Variants in CCDC3 observed in about 807,000 individuals in gnomAD.
CCDC3 encodes coiled-coil domain containing 3.
A neutral mutation model predicts 21.4 loss-of-function variants in CCDC3; 24 were observed. The observed-to-expected ratio is 1.12, with a 90% CI of 0.81 to 1.58. The LOEUF is 1.58. CCDC3 is among the 40% of genes most tolerant of loss of function. CCDC3 has a pLI of 0.00. For synonymous variants in CCDC3, 186 were observed against 166.0 expected, an observed-to-expected ratio of 1.12 and a Z score of -0.93; for missense variants, 425 against 360.9, an observed-to-expected ratio of 1.18 and a Z score of -1.44.
At chr10:13,017,516 CAAAAA>C (rs60969932) in intron 5 of CCDC3, among the ~76,000 whole-genome samples, 4 of 111,704 alleles carry the variant, frequency 3.6e-5, no homozygotes, top group African/African-American at 3.5e-5. Context: ...GACTCCATCT[CAAAAA>C]AAAAAAAAAA....
intron 5 of CCDC3, among the ~76,000 whole-genome samples, chr10:13,010,470 C>G (rs946217064): frequency 6.6e-6 from 1 of 152,086 alleles, no homozygotes; most frequent in African/African-American, 2.4e-5. Flanking sequence ...AATGACCATA[C>G]CAAGTGTTGT....
chr10:13,089,092 TC>T (rs1837148500), intron 3 of CCDC3, among the ~76,000 whole-genome samples: 1 of 151,968 alleles, frequency 6.6e-6, no homozygotes, highest in Non-Finnish European at 1.5e-5. Flanking sequence ...AATTCCCTCC[TC>T]AAATTCTCCA....
At chr10:12,920,114 A>C (rs998179140) in intron 2 of CCDC3, among the ~76,000 whole-genome samples, 1 of 152,132 alleles carries the variant, frequency 6.6e-6, no homozygotes, top group Non-Finnish European at 1.5e-5. Flanking sequence ...TATAAAGAAA[A>C]AGAGGTTTAA....
intron 2 of CCDC3, among the ~76,000 whole-genome samples, chr10:12,993,323 G>C (rs553084703): frequency 6.6e-6 from 1 of 152,130 alleles, no homozygotes; most frequent in Admixed American, 6.5e-5. Flanking sequence ...GGGAAGTTAG[G>C]GGATCTGCCC....
intron 2 of CCDC3, among the ~76,000 whole-genome samples, chr10:12,992,510 C>T (rs1043791155): frequency 6.6e-6 from 1 of 152,042 alleles, no homozygotes; most frequent in Non-Finnish European, 1.5e-5. Context: ...CGCAGAGATC[C>T]GGATGGAACT....
chr10:13,034,696 C>A (rs1347635820), intron 5 of CCDC3, among the ~76,000 whole-genome samples: 1 of 128,808 alleles, frequency 7.8e-6, no homozygotes, highest in Non-Finnish European at 1.7e-5. Context: ...AATGTTCTCA[C>A]TGTAAAAAAC....
At chr10:12,931,138 G>A (rs1437549015) in intron 2 of CCDC3, among the ~76,000 whole-genome samples, 1 of 148,522 alleles carries the variant, frequency 6.7e-6, no homozygotes, top group Non-Finnish European at 1.5e-5. Flanking sequence ...TTGAACCCAG[G>A]AGGCGGAGGT....
At chr10:13,043,687 A>G (rs183795269) in intron 5 of CCDC3, among the ~76,000 whole-genome samples, 1 of 152,232 alleles carries the variant, frequency 6.6e-6, no homozygotes, top group Non-Finnish European at 1.5e-5. Flanking sequence ...ACATGATTTC[A>G]TTCTTTTTCC....
intron 2 of CCDC3, among the ~76,000 whole-genome samples, chr10:12,922,705 C>T (rs931713360): frequency 3.9e-5 from 6 of 152,018 alleles, no homozygotes; most frequent in Admixed American, 6.6e-5. Flanking sequence ...TTTATGTTTT[C>T]CCCGGATGTG....
intron 4 of CCDC3, among the ~76,000 whole-genome samples, chr10:13,055,174 C>T (rs2131428189): frequency 6.6e-6 from 1 of 152,310 alleles, no homozygotes. Flanking sequence ...TCTCTTCCTC[C>T]ACAGGGTACA....
chr10:13,015,076 T>C (rs554217370), intron 5 of CCDC3, among the ~76,000 whole-genome samples: 18 of 152,258 alleles, frequency 1.2e-4, no homozygotes, highest in Middle Eastern at 3.4e-3. Flanking sequence ...ATGCATGTGA[T>C]ATAACGTTAA....
At chr10:13,033,757 G>A (rs1297982975) in intron 5 of CCDC3, among the ~76,000 whole-genome samples, 1 of 152,282 alleles carries the variant, frequency 6.6e-6, no homozygotes, top group East Asian at 1.9e-4. Flanking sequence ...GTCATCACTG[G>A]CCATCAGAGA....
At chr10:13,084,852 G>T (rs937792058) in intron 3 of CCDC3, among the ~76,000 whole-genome samples, 1 of 152,200 alleles carries the variant, frequency 6.6e-6, no homozygotes, top group African/African-American at 2.4e-5. Flanking sequence ...CAGTATGGGT[G>T]CAGGGGCCAG....
chr10:12,951,513 T>G (rs929212555), intron 2 of CCDC3, among the ~76,000 whole-genome samples: 4 of 152,064 alleles, frequency 2.6e-5, no homozygotes, highest in Non-Finnish European at 4.4e-5. Context: ...CAGGCATCAT[T>G]TATGCAGTTT....
intron 4 of CCDC3, chr10:13,058,348 G>A: frequency 1.7e-6 from 2 of 1,192,358 alleles, no homozygotes. Context: ...CAAACCTACT[G>A]AGAATCCTGT....
At position 13,088,740 on chromosome 10, in the gene CCDC3, T is replaced by G. The variant is rs1387827046; in HGVS notation, c.-503+9785A>C. On this transcript the variant is annotated intron_variant, in intron 3 of 6. Transcript: ENST00000378839. ...CATTTTTAAAAAATTAACTGAATAT[T>G]AGCTGGGCGCAGTGGCTCACGCCTG... Among the ~76,000 whole-genome samples, 3 of 152,084 alleles carry G rather than the reference T, an allele frequency of 2.0e-5. No individual in the cohort carries two copies. In the East Asian group the frequency reaches 5.8e-4, roughly 29 times the overall value.
intron 2 of CCDC3, among the ~76,000 whole-genome samples, chr10:12,928,774 G>A (rs928999653): frequency 2.0e-5 from 3 of 152,138 alleles, no homozygotes; most frequent in Non-Finnish European, 4.4e-5. Context: ...TCCATCCCTG[G>A]AGCAGCAATT....
At chr10:13,008,253 G>A (rs1490287684) in intron 5 of CCDC3, among the ~76,000 whole-genome samples, 3 of 152,208 alleles carry the variant, frequency 2.0e-5, no homozygotes, top group African/African-American at 4.8e-5. Flanking sequence ...CAGTGCATGA[G>A]CAAGAACAGG....
At chr10:12,928,316 C>T (rs11258065) in intron 2 of CCDC3, among the ~76,000 whole-genome samples, 19,050 of 152,132 alleles carry the variant, frequency 0.13, 1,503 homozygotes, top group Middle Eastern at 0.18. Context: ...GCCCCAGGCA[C>T]AAGAGAGAAG....
Sources: allele counts gnomAD v4.1 joint callset (sites outside exome capture counted in the v4.1 genomes callset), GRCh38; gene constraint gnomAD v4.1.1; transcripts MANE v1.5; gene names NCBI Gene and HGNC (gene_info 2026-07-23, HGNC 2026-07-21).